NRXN3: variants seen among roughly 807,000 people sequenced by gnomAD.
NRXN3 encodes neurexin 3.
A neutral mutation model predicts 137.6 loss-of-function variants in NRXN3; 32 were observed. The ratio of observed to expected loss-of-function variants is 0.23; its 90% CI spans 0.18 to 0.31. The LOEUF is 0.31. Among genes scored for constraint, NRXN3 ranks in the 10% least tolerant of loss-of-function variants. NRXN3 has a pLI of 1.00. For synonymous variants in NRXN3, 798 were observed against 784.5 expected, an observed-to-expected ratio of 1.02 and a Z score of -0.29; for missense variants, 1,574 against 2,062.5, an observed-to-expected ratio of 0.76 and a Z score of 4.59.
Position 78,424,791 on chromosome 14 carries a change from G to T in NRXN3, c.757+126931G>T, listed in dbSNP as rs372573498. On this transcript the variant is annotated intron_variant, in intron 4 of 20. Transcript: ENST00000335750. The stretch of plus-strand genomic sequence containing the variant: ...GTCCCAGTCCTTCCAACAACAAAAT[G>T]AGGGGGTCATTCCCATATCATCATT... Among the ~76,000 whole-genome samples, 33 of 152,328 alleles carry T rather than the reference G, an allele frequency of 2.2e-4. No homozygotes were observed. In the East Asian group the frequency reaches 4.0e-3, roughly 19 times the overall value.
At chr14:79,114,773 C>T (rs971771727) in intron 15 of NRXN3, among the ~76,000 whole-genome samples, 9 of 152,040 alleles carry the variant, frequency 5.9e-5, no homozygotes, top group African/African-American at 2.2e-4. Context: ...AGCGATGCTC[C>T]CACCTCAGTC....
At chr14:78,739,838 T>C (rs2098556849) in intron 8 of NRXN3, among the ~76,000 whole-genome samples, 1 of 152,216 alleles carries the variant, frequency 6.6e-6, no homozygotes, top group South Asian at 2.1e-4. Flanking sequence ...GGACCAATCA[T>C]GCTTCATCTT....
intron 11 of NRXN3, among the ~76,000 whole-genome samples, chr14:78,961,778 T>C (rs2099408654): frequency 6.6e-6 from 1 of 152,224 alleles, no homozygotes; most frequent in Admixed American, 6.5e-5. Context: ...TCATCCACTA[T>C]ATGCTATTGC....
chr14:78,493,611 T>A (rs2095711260), intron 4 of NRXN3, among the ~76,000 whole-genome samples: 1 of 152,106 alleles, frequency 6.6e-6, no homozygotes. Context: ...ATCTTTGGAC[T>A]ACCCTCTTTA....
chr14:79,865,270 A>G lies in NRXN3; in HGVS notation c.*3306A>G, dbSNP rs1388439446. 6.6e-6 allele frequency: 1 copy of G among 152,188 alleles called. No homozygotes were observed. The highest frequency in any genetic ancestry group is 2.4e-5 in the African/African-American group (1 of 41,450). 9.4% of individuals were successfully genotyped at this position (152,188 alleles called of 1,614,324 possible). ...AGTTCTTCAATTTTAACAGCTTCTT[A>G]CAAGAATTTCTGATTACAACTTGTT... On this transcript the variant is annotated 3_prime_UTR_variant, in exon 21 of 21. Transcript: ENST00000335750.
rs539475864 is a variant in NRXN3, at chr14:79,078,559, C to A, written c.3262+90418C>A. ...GATGAAGCTTGTTTTGATATATACA[C>A]TTTTTAAAAAGGTAGAAGAATAAGA... On this transcript the variant is annotated intron_variant, in intron 15 of 20. Transcript: ENST00000335750. Among the ~76,000 whole-genome samples the A allele has an allele frequency of 4.0e-4, 61 of 152,196 alleles. 1 individual carries two copies. Among genetic ancestry groups the A allele is most frequent in the Admixed American group, 3.6e-3 (55 of 15,282 alleles).
At chr14:78,676,925 G>C (rs1279871278) in intron 6 of NRXN3, among the ~76,000 whole-genome samples, 1 of 152,110 alleles carries the variant, frequency 6.6e-6, no homozygotes, top group Non-Finnish European at 1.5e-5. Context: ...GAGCCCATCT[G>C]TTTACAGCAT....
intron 8 of NRXN3, among the ~76,000 whole-genome samples, chr14:78,729,126 A>G (rs1471326384): frequency 6.6e-6 from 1 of 152,242 alleles, no homozygotes; most frequent in Non-Finnish European, 1.5e-5. Context: ...GAGTATTATT[A>G]TTCTTCTCTC....
intron 8 of NRXN3, among the ~76,000 whole-genome samples, chr14:78,731,032 T>C (rs1236744655): frequency 1.3e-5 from 2 of 152,218 alleles, no homozygotes; most frequent in African/African-American, 4.8e-5. Flanking sequence ...CACCTTTCTT[T>C]CACCTTCCTT....
chr14:79,053,285 A>G (rs576182740), intron 15 of NRXN3, among the ~76,000 whole-genome samples: 14 of 152,332 alleles, frequency 9.2e-5, no homozygotes, highest in African/African-American at 3.4e-4. Context: ...AATTCTTCTA[A>G]TAAGCCTATA....
intron 15 of NRXN3, among the ~76,000 whole-genome samples, chr14:79,339,457 A>G (rs1465774365): frequency 6.6e-6 from 1 of 152,220 alleles, no homozygotes; most frequent in Non-Finnish European, 1.5e-5. Flanking sequence ...GGTGTTGCTG[A>G]TGCTGCTAGC....
intron 16 of NRXN3, among the ~76,000 whole-genome samples, chr14:79,471,880 G>T (rs1365558327): frequency 6.6e-6 from 1 of 152,050 alleles, no homozygotes; most frequent in Non-Finnish European, 1.5e-5. Flanking sequence ...AGGTTTGTAG[G>T]CTTGTTACAT....
chr14:78,966,061 A>T lies in NRXN3; in HGVS notation c.2432A>T (p.His811Leu). The T allele has an allele frequency of 1.2e-6, 2 of 1,614,182 alleles. No individual in the cohort carries two copies. Among genetic ancestry groups the T allele is most frequent in the Non-Finnish European group, 8.5e-7 (1 of 1,180,024 alleles). The change falls in exon 12 of 21, where the codon CAC (histidine) becomes CTC (leucine). Residue 811 changes from histidine to leucine, a missense_variant. His to Leu is a moderately conservative substitution (Grantham distance 99, BLOSUM62 -3). Coordinates refer to ENST00000335750, the MANE Select transcript of NRXN3 (RefSeq NM_001330195.2). ...GGAGACCATACCCGTTTGGAGTTCC[A>T]CAACATTGAAACGGGAATCATGACT... ...MVGDHTRLEF[H>L]NIETGIMTEK...
intron 15 of NRXN3, among the ~76,000 whole-genome samples, chr14:79,283,649 A>G (rs1286440332): frequency 6.6e-6 from 1 of 151,896 alleles, no homozygotes; most frequent in Non-Finnish European, 1.5e-5. Context: ...AAAATCTCAC[A>G]TTAGGATTGT....
At chr14:79,143,940 C>T (rs1203883727) in intron 15 of NRXN3, among the ~76,000 whole-genome samples, 2 of 152,042 alleles carry the variant, frequency 1.3e-5, no homozygotes, top group Non-Finnish European at 2.9e-5. Context: ...TCGTCCCATG[C>T]TTTCTGTGTT....
chr14:79,220,041 T>A lies in NRXN3; in HGVS notation c.3262+231900T>A, dbSNP rs571390889. On this transcript the variant is annotated intron_variant, in intron 15 of 20. Coordinates refer to ENST00000335750, the MANE Select transcript of NRXN3 (RefSeq NM_001330195.2). ...GAGTTTATAATTATGGCAATGGGTCTACATTGGAATGTAGTTTATAGTTAC... is the reference window on the plus strand; with the variant it reads ...GAGTTTATAATTATGGCAATGGGTCAACATTGGAATGTAGTTTATAGTTAC... 5.6e-4 allele frequency among the ~76,000 whole-genome samples: 86 copies of A among 152,328 alleles called. No individual in the cohort carries two copies. The South Asian group carries it at 8.3e-3, about 15-fold the overall frequency.
At chr14:79,130,949 C>A (rs956247445) in intron 15 of NRXN3, among the ~76,000 whole-genome samples, 1 of 152,126 alleles carries the variant, frequency 6.6e-6, no homozygotes, top group African/African-American at 2.4e-5. Flanking sequence ...TCGCTGATAC[C>A]CTTTCTTCCA....
At chr14:78,408,427 G>A (rs2092628744) in intron 4 of NRXN3, among the ~76,000 whole-genome samples, 1 of 152,116 alleles carries the variant, frequency 6.6e-6, no homozygotes, top group Non-Finnish European at 1.5e-5. Context: ...ATGGAACTAG[G>A]GAGTCCACAT....
At chr14:79,084,184 G>T (rs909430100) in intron 15 of NRXN3, among the ~76,000 whole-genome samples, 7 of 152,196 alleles carry the variant, frequency 4.6e-5, no homozygotes, top group Non-Finnish European at 1.0e-4. Context: ...AAAATGTTGG[G>T]ATTATAGATG....
Sources: allele counts gnomAD v4.1 joint callset (sites outside exome capture counted in the v4.1 genomes callset), GRCh38; gene constraint gnomAD v4.1.1; transcripts MANE v1.5; gene names NCBI Gene and HGNC (gene_info 2026-07-23, HGNC 2026-07-21).